Variants in UGGT2 observed in about 807,000 individuals in gnomAD.
The protein encoded by UGGT2 is UDP-glucose:glycoprotein glucosyltransferase 2.
A neutral mutation model predicts 192.1 loss-of-function variants in UGGT2; 180 were observed. That is an observed-to-expected ratio of 0.94 (90% CI 0.83 to 1.06). The LOEUF (loss-of-function observed/expected upper bound fraction) is 1.06. Ranked by LOEUF, UGGT2 falls within the 50% of genes least tolerant of loss-of-function variation. The pLI is 0.00. For synonymous variants in UGGT2, 580 were observed against 591.0 expected, an observed-to-expected ratio of 0.98 and a Z score of 0.27; for missense variants, 1,849 against 1,795.7, an observed-to-expected ratio of 1.03 and a Z score of -0.54.
At chr13:95,911,542 C>A (rs554947805) in intron 20 of UGGT2, among the ~76,000 whole-genome samples, 45 of 152,108 alleles carry the variant, frequency 3.0e-4, no homozygotes, top group African/African-American at 9.9e-4. Flanking sequence ...CAGGAAGAAG[C>A]TGAATCTCTG....
At chr13:95,810,734 CA>C (rs1814076090) in intron 38 of UGGT2, among the ~76,000 whole-genome samples, 1 of 151,586 alleles carries the variant, frequency 6.6e-6, no homozygotes, top group Non-Finnish European at 1.5e-5. Flanking sequence ...GCTATAGTAC[CA>C]AAAACACAAG....
rs1594041786 is a variant in UGGT2, at chr13:95,801,715, C to G, written c.*75G>C. The G allele has an allele frequency of 6.6e-6, 10 of 1,512,590 alleles. No homozygotes were observed. The highest frequency in any genetic ancestry group is 1.4e-5 in the African/African-American group (1 of 71,714). The allele number at this position is 1,512,590 out of a possible 1,614,324, so 93.7% of individuals were successfully genotyped here. A position where few individuals can be genotyped will look rare whatever the true frequency, so the allele number is the denominator to read the frequency against. ...TAACGAGACTTCCAAATCGTCTCAG[C>G]AGGGGCTCCAGACTTCCCCAGCAGG... On this transcript the variant is annotated 3_prime_UTR_variant, in exon 39 of 39. Coordinates refer to ENST00000376747, the MANE Select transcript of UGGT2 (RefSeq NM_020121.4).
intron 12 of UGGT2, 77 bp from the exon 13 acceptor site, chr13:95,949,531 G>T: frequency 1.6e-6 from 2 of 1,281,634 alleles, no homozygotes; most frequent in Non-Finnish European, 2.0e-6. Context: ...TTACTATATC[G>T]TGATAAATAA....
intron 12 of UGGT2, among the ~76,000 whole-genome samples, chr13:95,962,333 GAGA>G (rs1388733178): frequency 3.9e-5 from 6 of 151,924 alleles, no homozygotes; most frequent in African/African-American, 1.4e-4. Context: ...AACCATGACA[GAGA>G]AGACCTCCAA....
intron 1 of UGGT2, among the ~76,000 whole-genome samples, chr13:96,045,370 G>A (rs978666172): frequency 1.3e-5 from 2 of 152,072 alleles, no homozygotes; most frequent in African/African-American, 4.8e-5. Context: ...CAAACCCACA[G>A]CCAACATAAT....
intron 5 of UGGT2, among the ~76,000 whole-genome samples, chr13:95,999,814 C>A (rs1312167217): frequency 1.3e-5 from 2 of 152,140 alleles, no homozygotes; most frequent in East Asian, 1.9e-4. Flanking sequence ...TAAAAGTTTT[C>A]TTTGTTTCTC....
chr13:95,937,844 T>C (rs1040037935), intron 16 of UGGT2, among the ~76,000 whole-genome samples: 1 of 152,162 alleles, frequency 6.6e-6, no homozygotes, highest in African/African-American at 2.4e-5. Context: ...GGTATACTTA[T>C]GCAATGGTAA....
intron 1 of UGGT2, among the ~76,000 whole-genome samples, chr13:96,044,791 A>C (rs1265310639): frequency 1.3e-5 from 2 of 152,198 alleles, no homozygotes; most frequent in African/African-American, 4.8e-5. Flanking sequence ...CTCCTAGCTT[A>C]AATCAGGAAG....
intron 20 of UGGT2, among the ~76,000 whole-genome samples, chr13:95,923,705 A>G (rs1265292002): frequency 1.3e-5 from 2 of 152,202 alleles, no homozygotes; most frequent in Non-Finnish European, 2.9e-5. Context: ...TTCCATGTAG[A>G]CAGTTTATTA....
At chr13:96,029,664 G>A (rs1025546864) in intron 2 of UGGT2, among the ~76,000 whole-genome samples, 4 of 152,152 alleles carry the variant, frequency 2.6e-5, no homozygotes, top group Non-Finnish European at 5.9e-5. Flanking sequence ...GCTTGATGTA[G>A]AGTTTAGGTA....
intron 2 of UGGT2, among the ~76,000 whole-genome samples, chr13:96,028,189 A>T (rs1173810917): frequency 6.6e-6 from 1 of 152,150 alleles, no homozygotes; most frequent in Non-Finnish European, 1.5e-5. Flanking sequence ...TCTCACTCAT[A>T]TATCAGCTTA....
intron 17 of UGGT2, among the ~76,000 whole-genome samples, chr13:95,933,613 T>G (rs1434996606): frequency 1.3e-5 from 2 of 152,188 alleles, no homozygotes; most frequent in Admixed American, 1.3e-4. Context: ...GGTTAGTTCA[T>G]TCTTGTTTTT....
intron 4 of UGGT2, among the ~76,000 whole-genome samples, chr13:96,015,593 ATT>A (rs1258646416): frequency 6.6e-6 from 1 of 152,180 alleles, no homozygotes; most frequent in Non-Finnish European, 1.5e-5. Flanking sequence ...AAATAATTAT[ATT>A]TAAAAGTAGC....
intron 1 of UGGT2, among the ~76,000 whole-genome samples, chr13:96,049,071 CA>C (rs920931704): frequency 6.6e-6 from 1 of 152,172 alleles, no homozygotes; most frequent in African/African-American, 2.4e-5. Context: ...AACATCAATG[CA>C]AAAACCTCAA....
intron 24 of UGGT2, among the ~76,000 whole-genome samples, chr13:95,891,230 ACT>A (rs752306109): frequency 2.0e-5 from 3 of 152,192 alleles, no homozygotes; most frequent in East Asian, 3.9e-4. Flanking sequence ...TAGTGTAAAA[ACT>A]CTGATAATTT....
intron 1 of UGGT2, among the ~76,000 whole-genome samples, chr13:96,036,151 C>G (rs1434125495): frequency 6.6e-6 from 1 of 152,166 alleles, no homozygotes; most frequent in East Asian, 1.9e-4. Context: ...ATGGCATCAA[C>G]TTATATCCCC....
chr13:96,039,891 A>C (rs1418502527), intron 1 of UGGT2, among the ~76,000 whole-genome samples: 1 of 152,192 alleles, frequency 6.6e-6, no homozygotes, highest in Admixed American at 6.5e-5. Context: ...ACAGACTTCA[A>C]TGTTCATATT....
rs1316102782 is a variant in UGGT2, at chr13:96,041,325, G to A, written c.159-9354C>T. 2.0e-5 allele frequency among the ~76,000 whole-genome samples: 3 copies of A among 152,274 alleles called. No individual in the cohort carries two copies. The East Asian group carries it at 5.8e-4, about 30-fold the overall frequency. ...CAAGCAAAATACAAGGGTAGAGGAAGCAGCAGGAAAAGCCCTGTGGGCTCT... is the reference window on the plus strand; with the variant it reads ...CAAGCAAAATACAAGGGTAGAGGAAACAGCAGGAAAAGCCCTGTGGGCTCT... On this transcript the variant is annotated intron_variant, in intron 1 of 38. Transcript: ENST00000376747.
intron 38 of UGGT2, among the ~76,000 whole-genome samples, chr13:95,820,212 A>G (rs376370114): frequency 5.9e-5 from 9 of 152,128 alleles, no homozygotes; most frequent in African/African-American, 2.2e-4. Context: ...GATACTTTTT[A>G]TGACACTATA....
Sources: gnomAD v4.1 joint callset for allele counts (sites outside exome capture counted in the v4.1 genomes callset) on GRCh38, gnomAD v4.1.1 for gene constraint, MANE v1.5 for transcripts, NCBI Gene and HGNC (gene_info 2026-07-23, HGNC 2026-07-21) for gene names.